The following ATR variants were observed in gnomAD, a reference collection of about 807,000 sequenced individuals.
The protein encoded by ATR is serine/threonine-protein kinase ATR.
In ATR, 142 loss-of-function variants were observed where a neutral mutation model predicts 305.3. That is an observed-to-expected ratio of 0.47 (90% confidence interval 0.41 to 0.53). The LOEUF (loss-of-function observed/expected upper bound fraction) is 0.53. Among genes scored for constraint, ATR ranks in the 20% least tolerant of loss-of-function variants. The pLI, the probability that ATR is intolerant of heterozygous loss-of-function variation, is 0.00. For missense variants in ATR, 2,135 were observed against 3,133.1 expected (o/e 0.68, Z 7.60); for synonymous variants, 1,050 against 1,068.1 (o/e 0.98, Z 0.33).
Position 142,524,014 on chromosome 3 carries a change from T to G in ATR, c.4131A>C (p.Gln1377His). The change falls in exon 22 of 47, where the codon CAA becomes CAC. Residue 1377 changes from glutamine to histidine, a missense_variant. Gln to His is a conservative substitution (Grantham distance 24). Coordinates refer to ENST00000350721, the MANE Select transcript of ATR (RefSeq NM_001184.4). ...GRLDFSTTET[Q>H]GKDFTFVTGV... Reference sequence around the variant, plus strand: ...TTACCACAAATGTAAAATCTTTTCCTTGAGTTTCAGTTGTTGAGAAATCTA... The same window carrying G: ...TTACCACAAATGTAAAATCTTTTCCGTGAGTTTCAGTTGTTGAGAAATCTA... The G allele has an allele frequency of 6.2e-7, 1 of 1,614,100 alleles. No homozygotes were observed. Among genetic ancestry groups the G allele is most frequent in the South Asian group, 1.1e-5 (1 of 91,072 alleles).
intron 37 of ATR, 43 bp downstream of exon 37, chr3:142,470,043 T>C: frequency 2.0e-6 from 3 of 1,482,212 alleles, no homozygotes; most frequent in Non-Finnish European, 2.8e-6. Context: ...ATACCAAAGT[T>C]ATAATTCCTA....
intron 30 of ATR, among the ~76,000 whole-genome samples, chr3:142,501,389 ACTTCC>A (rs1486387463): frequency 6.6e-6 from 1 of 152,176 alleles, no homozygotes; most frequent in Non-Finnish European, 1.5e-5. Flanking sequence ...CTTCTGTAAA[ACTTCC>A]CTTGTGATTT....
intron 3 of ATR, among the ~76,000 whole-genome samples, chr3:142,563,649 A>T (rs2034963490): frequency 6.6e-6 from 1 of 152,204 alleles, no homozygotes; most frequent in Non-Finnish European, 1.5e-5. Context: ...TAGGTTAATT[A>T]ATAACCCTTA....
chr3:142,563,288 G>A (rs2034950627), intron 3 of ATR, among the ~76,000 whole-genome samples, 179 bp from the exon 4 acceptor site: 1 of 152,166 alleles, frequency 6.6e-6, no homozygotes, highest in South Asian at 2.1e-4. Context: ...TTTATTGCAC[G>A]TTGCAGATAC....
intron 40 of ATR, 48 bp downstream of exon 40, chr3:142,466,276 T>C (rs1378957140): frequency 1.3e-6 from 2 of 1,556,816 alleles, no homozygotes; most frequent in Non-Finnish European, 1.8e-6. Context: ...ATTTGAAGTT[T>C]TTAACAACTA....
chr3:142,462,169 T>C, intron 41 of ATR, 79 bp from the exon 42 acceptor site: 1 of 1,389,078 alleles, frequency 7.2e-7, no homozygotes, highest in Non-Finnish European at 1.0e-6. Flanking sequence ...TATTTAAAGA[T>C]TGTTCATTTC....
intron 21 of ATR, 142 bp from the exon 22 acceptor site, chr3:142,524,341 C>T (rs1341474396): frequency 1.3e-6 from 1 of 791,822 alleles, no homozygotes; most frequent in African/African-American, 1.7e-5. Flanking sequence ...ATTTTTTCAG[C>T]TAGTTTTTGA....
At chr3:142,516,911 G>A (rs936343814) in intron 24 of ATR, among the ~76,000 whole-genome samples, 1 of 150,698 alleles carries the variant, frequency 6.6e-6, no homozygotes, top group Non-Finnish European at 1.5e-5. Context: ...TGAATGGCAT[G>A]GGTTTCTTTC....
At chr3:142,496,582 C>T in intron 33 of ATR, 62 bp from the exon 34 acceptor site, 1 of 1,539,066 alleles carries the variant, frequency 6.5e-7, no homozygotes, top group Non-Finnish European at 8.9e-7. Context: ...AACAACTTAA[C>T]TTAAAACAAT....
intron 21 of ATR, among the ~76,000 whole-genome samples, chr3:142,531,776 T>C (rs1309111949): frequency 1.3e-5 from 2 of 152,246 alleles, no homozygotes; most frequent in African/African-American, 4.8e-5. Flanking sequence ...TACCCAGTAA[T>C]GGGATGGCTG....
chr3:142,497,575 A>ATAAG (rs2031719822), intron 32 of ATR, among the ~76,000 whole-genome samples: 1 of 143,592 alleles, frequency 7.0e-6, no homozygotes. Flanking sequence ...CCTTAAAATA[A>ATAAG]TAAATAAATA....
In ATR at chr3:142,516,984, A is replaced by AATATATATATATATAT. The variant is rs534243837; in HGVS notation, c.4383-1485_4383-1470dup. 2.9e-3 allele frequency among the ~76,000 whole-genome samples: 403 copies of AATATATATATATATAT among 139,064 alleles called. 4 individuals are homozygous for AATATATATATATATAT. The highest frequency in any genetic ancestry group is 9.6e-3 in the African/African-American group (352 of 36,524). The allele number at this position is 139,064 out of a possible 152,430, so 91.2% of individuals were successfully genotyped here. ...TATACCCAAAGTCTTATACCCAAATAATATATATATATATATATATATACA... is the reference window on the plus strand; with the variant it reads ...TATACCCAAAGTCTTATACCCAAATAATATATATATATATATATATATATATATATATATATATACA... On this transcript the variant is annotated intron_variant, in intron 24 of 46. Coordinates refer to ENST00000350721, the MANE Select transcript of ATR (RefSeq NM_001184.4).
intron 27 of ATR, among the ~76,000 whole-genome samples, chr3:142,511,234 CAT>C (rs954871053): frequency 1.3e-5 from 2 of 151,836 alleles, no homozygotes. Context: ...ACTGAGGAAA[CAT>C]ATAATATGTT....
At chr3:142,553,197 C>T in intron 13 of ATR, 30 bp downstream of exon 13, 1 of 1,608,226 alleles carries the variant, frequency 6.2e-7, no homozygotes, top group Non-Finnish European at 8.5e-7. Context: ...ACTGCTGTTG[C>T]CTATAGTCCA....
rs2108483112 is a variant in ATR, at chr3:142,560,388, G to T, written c.1416C>A (p.Ser472=). The T allele has an allele frequency of 2.5e-6, 4 of 1,613,406 alleles. No individual in the cohort carries two copies. Among genetic ancestry groups the T allele is most frequent in the African/African-American group, 1.3e-5 (1 of 74,918 alleles). Residue 472 remains serine (S), a synonymous_variant, in exon 6 of 47, where the codon TCC becomes TCA. Transcript: ENST00000350721. Reference sequence around the variant, plus strand: ...CACTGTATTCAAGGGAAATCTGAAGGGATTCAGCTTTCTGTTTCAGTGCAC... The same window carrying T: ...CACTGTATTCAAGGGAAATCTGAAGTGATTCAGCTTTCTGTTTCAGTGCAC... ...LWSALKQKAE[S]LQISLEYSGL... is the part of the protein sequence containing the mutation.
intron 24 of ATR, among the ~76,000 whole-genome samples, chr3:142,518,227 A>G (rs935714084): frequency 6.6e-6 from 1 of 152,252 alleles, no homozygotes; most frequent in African/African-American, 2.4e-5. Context: ...TACTTTTTAA[A>G]TAATGCTAAT....
chr3:142,526,793 G>GT (rs577390491), intron 21 of ATR, among the ~76,000 whole-genome samples: 3,526 of 139,972 alleles, frequency 0.025, 40 homozygotes, highest in South Asian at 0.044. Flanking sequence ...GTTTGTTTTT[G>GT]TTTTTTTTTT....
intron 13 of ATR, 77 bp downstream of exon 13, chr3:142,553,150 G>C: frequency 1.3e-6 from 2 of 1,503,532 alleles, no homozygotes; most frequent in Non-Finnish European, 1.8e-6. Flanking sequence ...AATAAAACAT[G>C]TATAAATATT....
intron 16 of ATR, among the ~76,000 whole-genome samples, chr3:142,544,026 A>G (rs2034165348): frequency 6.6e-6 from 1 of 152,156 alleles, no homozygotes; most frequent in Admixed American, 6.6e-5. Context: ...GCTTTAAGTC[A>G]GCCAAATCTA....
Sources: gnomAD v4.1 joint callset for allele counts (sites outside exome capture counted in the v4.1 genomes callset) on GRCh38, gnomAD v4.1.1 for gene constraint, MANE v1.5 for transcripts, NCBI Gene and HGNC (gene_info 2026-07-23, HGNC 2026-07-21) for gene names.